Variants in CDC42BPA observed in about 807,000 individuals in gnomAD.
CDC42BPA encodes the protein CDC42 binding protein kinase alpha.
Under a neutral mutation model 223.5 loss-of-function variants are expected in CDC42BPA, and 80 were observed. The ratio of observed to expected loss-of-function variants is 0.36; its 90% CI spans 0.30 to 0.43. CDC42BPA has a LOEUF of 0.43. Ranked by LOEUF, CDC42BPA falls within the 20% of genes least tolerant of loss-of-function variation. The pLI is 1.00. For missense variants in CDC42BPA, 1,743 were observed against 2,099.9 expected, an observed-to-expected ratio of 0.83 and a Z score of 3.32; for synonymous variants, 694 against 718.6, an observed-to-expected ratio of 0.97 and a Z score of 0.55.
At chr1:227,198,908 C>A (rs564838079) in intron 4 of CDC42BPA, among the ~76,000 whole-genome samples, 2 of 152,094 alleles carry the variant, frequency 1.3e-5, no homozygotes, top group South Asian at 4.2e-4. Flanking sequence ...CCACCACGCC[C>A]GGCTAATTTT....
At chr1:226,997,070 G>A (rs886155588) in intron 35 of CDC42BPA, among the ~76,000 whole-genome samples, 13 of 152,224 alleles carry the variant, frequency 8.5e-5, no homozygotes, top group Non-Finnish European at 1.5e-4. Flanking sequence ...GAATTCGGCT[G>A]TGAATCTGCC....
intron 14 of CDC42BPA, among the ~76,000 whole-genome samples, chr1:227,104,401 T>C (rs1372248115): frequency 6.6e-6 from 1 of 152,204 alleles, no homozygotes; most frequent in African/African-American, 2.4e-5. Context: ...GAATTATTTA[T>C]AATCACTAAA....
intron 23 of CDC42BPA, among the ~76,000 whole-genome samples, chr1:227,046,698 T>G (rs1038663727): frequency 3.3e-5 from 5 of 152,144 alleles, no homozygotes; most frequent in South Asian, 2.1e-4. Context: ...GTCTTATCAT[T>G]TTGGTTGTCT....
At chr1:227,034,926 TAAA>T in intron 25 of CDC42BPA, 132 bp from the exon 26 acceptor site, 2 of 710,860 alleles carry the variant, frequency 2.8e-6, no homozygotes, top group Non-Finnish European at 4.4e-6. Flanking sequence ...TTCTGGTTGG[TAAA>T]GTAGCAGATG....
chr1:227,085,180 A>T (rs920928833), intron 16 of CDC42BPA, among the ~76,000 whole-genome samples: 4 of 151,798 alleles, frequency 2.6e-5, no homozygotes, highest in Non-Finnish European at 5.9e-5. Flanking sequence ...ACACATACAT[A>T]TACCACCTCC....
At chr1:227,314,289 A>G (rs562375388) in intron 1 of CDC42BPA, among the ~76,000 whole-genome samples, 2 of 152,262 alleles carry the variant, frequency 1.3e-5, no homozygotes, top group African/African-American at 4.8e-5. Flanking sequence ...ACTATTTACT[A>G]TAAATGAAAA....
intron 14 of CDC42BPA, among the ~76,000 whole-genome samples, chr1:227,111,759 A>C (rs1686965869): frequency 6.6e-6 from 1 of 152,238 alleles, no homozygotes; most frequent in Admixed American, 6.5e-5. Context: ...TTGGGATTAC[A>C]GGCGTGAGCC....
chr1:227,061,975 T>C (rs951817290), intron 21 of CDC42BPA, among the ~76,000 whole-genome samples: 30 of 152,226 alleles, frequency 2.0e-4, no homozygotes, highest in African/African-American at 7.0e-4. Context: ...GGATGTCCCT[T>C]AGGAATCTCA....
chr1:227,277,257 C>A (rs1430441900), intron 1 of CDC42BPA, among the ~76,000 whole-genome samples: 1 of 151,896 alleles, frequency 6.6e-6, no homozygotes, highest in Admixed American at 6.5e-5. Flanking sequence ...ACAATCCTAT[C>A]TCTAATAAAG....
intron 2 of CDC42BPA, among the ~76,000 whole-genome samples, chr1:227,247,655 C>G (rs530667872): frequency 1.2e-4 from 19 of 152,098 alleles, no homozygotes; most frequent in Admixed American, 3.9e-4. Context: ...GAGGCCAAGG[C>G]AGGCGGATCA....
intron 14 of CDC42BPA, among the ~76,000 whole-genome samples, chr1:227,109,556 G>A (rs182227851): frequency 2.5e-4 from 38 of 152,006 alleles, no homozygotes; most frequent in Admixed American, 1.9e-3. Flanking sequence ...AGTAGAGACG[G>A]GGTTTCACTA....
chr1:227,286,877 C>T (rs1239351604), intron 1 of CDC42BPA, among the ~76,000 whole-genome samples: 1 of 152,156 alleles, frequency 6.6e-6, no homozygotes, highest in East Asian at 1.9e-4. Flanking sequence ...AAGAAGCTGG[C>T]ATGTCACGTG....
At chr1:227,185,055 C>T (rs1288619777) in intron 5 of CDC42BPA, among the ~76,000 whole-genome samples, 1 of 152,018 alleles carries the variant, frequency 6.6e-6, no homozygotes, top group Non-Finnish European at 1.5e-5. Context: ...TCATACCGTT[C>T]TTAGGTTTCT....
At chr1:227,193,129 C>G (rs1004970249) in intron 5 of CDC42BPA, among the ~76,000 whole-genome samples, 1 of 133,242 alleles carries the variant, frequency 7.5e-6, no homozygotes, top group South Asian at 2.3e-4. Context: ...AGTGCAGTGG[C>G]GGGATCTCGG....
At position 226,990,260 on chromosome 1, in the gene CDC42BPA, T is replaced by TGAG. The variant is rs2148165212; in HGVS notation, c.*4005_*4007dup. 6.6e-6 allele frequency: 1 copy of TGAG among 152,322 alleles called. No individual in the cohort carries two copies. The highest frequency in any genetic ancestry group is 2.4e-5 in the African/African-American group (1 of 41,568). The allele number at this position is 152,322 out of a possible 1,614,324, so 9.4% of individuals were successfully genotyped here. Reference sequence around the variant, plus strand: ...AAAAAGACAAGTCATTTTGTTTTCATGAGATTTCAAGGTTGATTTGAGTCA... The same window carrying TGAG: ...AAAAAGACAAGTCATTTTGTTTTCATGAGGAGATTTCAAGGTTGATTTGAGTCA... On this transcript the variant is annotated 3_prime_UTR_variant, in exon 37 of 37. Transcript: ENST00000366766.
chr1:227,081,568 TCAGCCTCCC>T (rs1558453224), intron 16 of CDC42BPA, among the ~76,000 whole-genome samples: 2 of 152,124 alleles, frequency 1.3e-5, no homozygotes, highest in South Asian at 4.2e-4. Context: ...TTCTCCTGTC[TCAGCCTCCC>T]CAGTAGCTGG....
intron 12 of CDC42BPA, among the ~76,000 whole-genome samples, chr1:227,119,168 T>C (rs1688235382): frequency 6.6e-6 from 1 of 152,142 alleles, no homozygotes; most frequent in Non-Finnish European, 1.5e-5. Flanking sequence ...CATTTTTCTA[T>C]TTGTTAATGA....
intron 1 of CDC42BPA, among the ~76,000 whole-genome samples, chr1:227,301,878 A>T (rs1691695862): frequency 6.6e-6 from 1 of 151,856 alleles, no homozygotes; most frequent in African/African-American, 2.4e-5. Context: ...AAGTGTTTCC[A>T]TTACTATAAC....
Position 226,992,704 on chromosome 1 carries a change from AAG to A in CDC42BPA, c.*1562_*1563del, listed in dbSNP as rs1660902930. The A allele has an allele frequency of 6.6e-6, 1 of 152,230 alleles. No homozygotes were observed. Among genetic ancestry groups the A allele is most frequent in the Non-Finnish European group, 1.5e-5 (1 of 68,036 alleles). The allele number at this position is 152,230 out of a possible 1,614,324, so 9.4% of individuals were successfully genotyped here. A position where few individuals can be genotyped will look rare whatever the true frequency, so the allele number is the denominator to read the frequency against. On this transcript the variant is annotated 3_prime_UTR_variant, in exon 37 of 37. Coordinates refer to ENST00000366766, the MANE Select transcript of CDC42BPA (RefSeq NM_001394014.1). ...TCAGAGAAACTTAGGTGAAAAGTAA[AAG>A]AGAGGCAAAATCTCTTTCCTTCATG...
Sources: allele counts gnomAD v4.1 joint callset (sites outside exome capture counted in the v4.1 genomes callset), GRCh38; gene constraint gnomAD v4.1.1; transcripts MANE v1.5; gene names NCBI Gene and HGNC (gene_info 2026-07-23, HGNC 2026-07-21).